The following PKNOX1 variants were observed in gnomAD, a reference collection of about 807,000 sequenced individuals.
The protein encoded by PKNOX1 is homeobox protein PKNOX1.
PKNOX1 carries 15 observed loss-of-function variants against 51.9 expected under a neutral mutation model. The observed-to-expected ratio is 0.29, with a 90% confidence interval of 0.19 to 0.45. PKNOX1 has a LOEUF of 0.45. PKNOX1 is among the 20% of genes least tolerant of loss of function. The probability of loss-of-function intolerance (pLI) is 1.00; values close to 1 mark genes in which losing one functional copy is unlikely to be tolerated. For missense variants in PKNOX1, 462 were observed against 547.5 expected, an observed-to-expected ratio of 0.84 and a Z score of 1.56; for synonymous variants, 219 against 211.1, an observed-to-expected ratio of 1.04 and a Z score of -0.32.
chr21:43,022,809 G>T (rs1352513887), intron 8 of PKNOX1, among the ~76,000 whole-genome samples: 1 of 152,136 alleles, frequency 6.6e-6, no homozygotes, highest in Non-Finnish European at 1.5e-5. Flanking sequence ...TAGTTAACAT[G>T]AGGAATGAGG....
intron 5 of PKNOX1, among the ~76,000 whole-genome samples, chr21:43,015,335 T>C (rs899361778): frequency 1.3e-5 from 2 of 152,260 alleles, no homozygotes; most frequent in African/African-American, 4.8e-5. Context: ...TTGATTGATA[T>C]GATTATGTGA....
rs1464742866 is a variant in PKNOX1, at chr21:43,030,677, C to G, written c.*576C>G. Reference sequence around the variant, plus strand: ...TAGAAAAAGAAACTCCTATTTTTACCTTGCTGGAATTATTGGATAAAAAAG... The same window carrying G: ...TAGAAAAAGAAACTCCTATTTTTACGTTGCTGGAATTATTGGATAAAAAAG... On this transcript the variant is annotated 3_prime_UTR_variant, in exon 11 of 11. Transcript: ENST00000291547. The G allele has an allele frequency of 6.6e-6, 1 of 152,584 alleles. No homozygotes were observed. The highest frequency in any genetic ancestry group is 2.4e-5 in the African/African-American group (1 of 41,412). The allele number at this position is 152,584 out of a possible 1,614,324, so 9.5% of individuals were successfully genotyped here. A position where few individuals can be genotyped will look rare whatever the true frequency, so the allele number is the denominator to read the frequency against.
rs1003162221 is a variant in PKNOX1, at chr21:43,030,118, A to G, written c.*17A>G. ...CTGCAGTAGGGGCAGGAGCAGACGCACCTGACTTTTTGGAGTTTGCACAGC... is the reference window on the plus strand; with the variant it reads ...CTGCAGTAGGGGCAGGAGCAGACGCGCCTGACTTTTTGGAGTTTGCACAGC... On this transcript the variant is annotated 3_prime_UTR_variant, in exon 11 of 11. Coordinates refer to ENST00000291547, the MANE Select transcript of PKNOX1 (RefSeq NM_004571.5). 3 of 1,552,990 alleles carry G rather than the reference A, an allele frequency of 1.9e-6. No individual in the cohort carries two copies. The Admixed American group carries it at 5.7e-5, about 29-fold the overall frequency.
chr21:42,999,266 A>G (rs563092696), intron 1 of PKNOX1, among the ~76,000 whole-genome samples: 11 of 152,306 alleles, frequency 7.2e-5, no homozygotes, highest in Admixed American at 6.5e-4. Flanking sequence ...CCAAGTCCCT[A>G]TGCTGCACAC....
intron 1 of PKNOX1, among the ~76,000 whole-genome samples, chr21:42,982,611 A>G (rs1371394095): frequency 6.6e-6 from 1 of 151,230 alleles, no homozygotes; most frequent in African/African-American, 2.4e-5. Flanking sequence ...CATGCCTGTA[A>G]TCCCAGCTAC....
At chr21:43,011,184 C>T (rs988949007) in intron 4 of PKNOX1, among the ~76,000 whole-genome samples, 9 of 151,518 alleles carry the variant, frequency 5.9e-5, no homozygotes, top group African/African-American at 2.2e-4. Flanking sequence ...TCTCCTGCCT[C>T]AGCCTCCCGA....
rs1325953071 is a variant in PKNOX1, at chr21:43,032,069, G to C, written c.*1968G>C. Reference sequence around the variant, plus strand: ...AGAGATGGGTTTCTCCATGTTGGTCGGGCTGGTCTCGAACTCCCGACCTCA... The same window carrying C: ...AGAGATGGGTTTCTCCATGTTGGTCCGGCTGGTCTCGAACTCCCGACCTCA... On this transcript the variant is annotated 3_prime_UTR_variant, in exon 11 of 11. Coordinates refer to ENST00000291547, the MANE Select transcript of PKNOX1 (RefSeq NM_004571.5). The C allele has an allele frequency of 2.4e-6, 1 of 422,520 alleles. No individual in the cohort carries two copies. 26.2% of individuals were successfully genotyped at this position (422,520 alleles called of 1,614,324 possible).
At chr21:42,978,832 C>T (rs1219620774) in intron 1 of PKNOX1, among the ~76,000 whole-genome samples, 1 of 152,022 alleles carries the variant, frequency 6.6e-6, no homozygotes, top group African/African-American at 2.4e-5. Flanking sequence ...GTTATCCAGG[C>T]AGGTCTCAAA....
intron 2 of PKNOX1, among the ~76,000 whole-genome samples, chr21:43,006,284 C>A (rs1978984332): frequency 6.6e-6 from 1 of 152,076 alleles, no homozygotes; most frequent in Non-Finnish European, 1.5e-5. Context: ...CCACCACGCC[C>A]AGCTAATTTT....
chr21:43,020,178 C>T (rs1979692252), intron 7 of PKNOX1, among the ~76,000 whole-genome samples: 1 of 152,220 alleles, frequency 6.6e-6, no homozygotes, highest in Non-Finnish European at 1.5e-5. Context: ...AATAGTCCTC[C>T]TGCCTTGGCC....
chr21:42,987,394 AAAAAAAAAAAATATATAT>A (rs2059057772), intron 1 of PKNOX1, among the ~76,000 whole-genome samples: 2 of 95,080 alleles, frequency 2.1e-5, no homozygotes, highest in African/African-American at 8.7e-5. Flanking sequence ...AAAAAAAAAA[AAAAAAAAAAAATATATAT>A]ATATATATAT....
chr21:42,994,636 A>G (rs1372874902), intron 1 of PKNOX1, among the ~76,000 whole-genome samples: 2 of 151,892 alleles, frequency 1.3e-5, no homozygotes, highest in African/African-American at 4.8e-5. Flanking sequence ...GACCCAATTT[A>G]TTTATGTTTA....
intron 9 of PKNOX1, among the ~76,000 whole-genome samples, chr21:43,025,535 G>A (rs1199491328): frequency 2.0e-5 from 3 of 152,212 alleles, no homozygotes; most frequent in African/African-American, 7.2e-5. Flanking sequence ...TCCCCTTCTA[G>A]TCCTGCTGTC....
At chr21:43,015,140 G>C (rs1297326980) in intron 5 of PKNOX1, among the ~76,000 whole-genome samples, 3 of 152,256 alleles carry the variant, frequency 2.0e-5, no homozygotes, top group Non-Finnish European at 4.4e-5. Flanking sequence ...TCGAATAAGA[G>C]TGGCAAGAGC....
At chr21:43,005,501 A>G (rs1303601055) in intron 2 of PKNOX1, among the ~76,000 whole-genome samples, 4 of 149,940 alleles carry the variant, frequency 2.7e-5, no homozygotes, top group African/African-American at 4.9e-5. Context: ...TCCTTAGCCT[A>G]GAAGTCCTTA....
At chr21:42,987,401 AAAAATATATATAT>A (rs1458982790) in intron 1 of PKNOX1, among the ~76,000 whole-genome samples, 8 of 97,472 alleles carry the variant, frequency 8.2e-5, no homozygotes, top group African/African-American at 2.9e-4. Context: ...AAAAAAAAAA[AAAAATATATATAT>A]ATATATATAT....
In PKNOX1 at chr21:43,027,510, C is replaced by T. The variant is rs117652133; in HGVS notation, c.927-1192C>T. Reference sequence around the variant, plus strand: ...CCTTGCACTTTCTCACATTTAAAGGCAACAGCTCATAGCATAAGAATGGGA... The same window carrying T: ...CCTTGCACTTTCTCACATTTAAAGGTAACAGCTCATAGCATAAGAATGGGA... On this transcript the variant is annotated intron_variant, in intron 9 of 10. Coordinates refer to ENST00000291547, the MANE Select transcript of PKNOX1 (RefSeq NM_004571.5). Among the ~76,000 whole-genome samples, 409 of 152,286 alleles carry T rather than the reference C, an allele frequency of 2.7e-3. 4 individuals carry two copies. Among genetic ancestry groups the T allele is most frequent in the Non-Finnish European group, 2.8e-3 (189 of 68,018 alleles).
At position 43,030,276 on chromosome 21, in the gene PKNOX1, T is replaced by C. The variant is rs769441503; in HGVS notation, c.*175T>C. On this transcript the variant is annotated 3_prime_UTR_variant, in exon 11 of 11. Coordinates refer to ENST00000291547, the MANE Select transcript of PKNOX1 (RefSeq NM_004571.5). ...CTTCTTTCAAGTGTGTGTGTGTGTGTGTGTGTGTGTGTGTGTGCGTGTGTG... is the reference window on the plus strand; with the variant it reads ...CTTCTTTCAAGTGTGTGTGTGTGTGCGTGTGTGTGTGTGTGTGCGTGTGTG... 184 of 267,606 alleles carry C rather than the reference T, an allele frequency of 6.9e-4. No homozygotes were observed. Among genetic ancestry groups the C allele is most frequent in the Non-Finnish European group, 1.1e-3 (138 of 129,362 alleles). 16.6% of individuals were successfully genotyped at this position (267,606 alleles called of 1,614,324 possible).
Position 43,004,328 on chromosome 21 carries a change from A to G in PKNOX1, c.-54A>G. On this transcript the variant is annotated splice_region_variant and 5_prime_UTR_variant, in exon 2 of 11. Coordinates refer to ENST00000291547, the MANE Select transcript of PKNOX1 (RefSeq NM_004571.5). The stretch of plus-strand genomic sequence containing the variant: ...GCTTTTCTGGTTTTGTTCTCCAGAC[A>G]CCATTCGCTTTTCACCCAAGATGAT... The G allele has an allele frequency of 1.7e-6, 2 of 1,171,672 alleles. No homozygotes were observed. The highest frequency in any genetic ancestry group is 1.2e-5 in the South Asian group (1 of 81,696). The allele number at this position is 1,171,672 out of a possible 1,614,324, so 72.6% of individuals were successfully genotyped here.
Sources: gnomAD v4.1 joint callset for allele counts (sites outside exome capture counted in the v4.1 genomes callset) on GRCh38, gnomAD v4.1.1 for gene constraint, MANE v1.5 for transcripts, NCBI Gene and HGNC (gene_info 2026-07-23, HGNC 2026-07-21) for gene names.